Variants in COL11A1 observed in about 807,000 individuals in gnomAD.
The protein encoded by COL11A1 is collagen alpha-1(XI) chain.
A neutral mutation model predicts 265.2 loss-of-function variants in COL11A1; 74 were observed. The observed-to-expected ratio is 0.28, with a 90% CI of 0.23 to 0.34. The LOEUF (loss-of-function observed/expected upper bound fraction) is 0.34. COL11A1 is among the 10% of genes least tolerant of loss of function. The pLI, the probability that COL11A1 is intolerant of heterozygous loss-of-function variation, is 1.00. For missense variants in COL11A1, 2,165 were observed against 2,263.6 expected, an observed-to-expected ratio of 0.96 and a Z score of 0.88; for synonymous variants, 816 against 727.6, an observed-to-expected ratio of 1.12 and a Z score of -1.96.
chr1:102,885,651 A>G (rs1262776860), intron 63 of COL11A1, among the ~76,000 whole-genome samples: 3 of 152,172 alleles, frequency 2.0e-5, no homozygotes, highest in African/African-American at 7.2e-5. Context: ...AAAAAAAATC[A>G]TCTAAGATTT....
intron 54 of COL11A1, among the ~76,000 whole-genome samples, chr1:102,910,887 A>G (rs1237449529): frequency 6.6e-6 from 1 of 152,136 alleles, no homozygotes; most frequent in Non-Finnish European, 1.5e-5. Flanking sequence ...AAAGATAAAA[A>G]AAATGATTTC....
chr1:102,892,989 C>T (rs1651955783), intron 57 of COL11A1, among the ~76,000 whole-genome samples: 1 of 152,138 alleles, frequency 6.6e-6, no homozygotes, highest in Admixed American at 6.5e-5. Flanking sequence ...CCTGTTAAAT[C>T]TCAGACAAAA....
intron 37 of COL11A1, 45 bp from the exon 38 acceptor site, chr1:102,965,585 A>G: frequency 6.6e-7 from 1 of 1,522,372 alleles, no homozygotes. Context: ...TACAACACAA[A>G]GCATAAATCA....
chr1:102,955,696 G>A (rs1660306078), intron 41 of COL11A1, among the ~76,000 whole-genome samples: 1 of 151,936 alleles, frequency 6.6e-6, no homozygotes, highest in African/African-American at 2.4e-5. Context: ...CCTTGATTTT[G>A]TTTTATAAAA....
intron 4 of COL11A1, among the ~76,000 whole-genome samples, chr1:103,035,427 A>T (rs1171873579): frequency 6.6e-6 from 1 of 152,104 alleles, no homozygotes; most frequent in Non-Finnish European, 1.5e-5. Flanking sequence ...ATCCACTAAT[A>T]AAAATTGTGC....
chr1:102,979,996 T>C (rs1662889007), intron 31 of COL11A1, among the ~76,000 whole-genome samples: 1 of 152,156 alleles, frequency 6.6e-6, no homozygotes, highest in African/African-American at 2.4e-5. Flanking sequence ...TGAAAGTCTA[T>C]TTCAGGCACC....
intron 62 of COL11A1, 52 bp from the exon 63 acceptor site, chr1:102,887,108 C>A: frequency 6.2e-7 from 1 of 1,607,708 alleles, no homozygotes; most frequent in Non-Finnish European, 8.5e-7. Flanking sequence ...GAATATTCTG[C>A]AGATATTAAT....
At chr1:103,023,986 A>T (rs1667314391) in intron 7 of COL11A1, among the ~76,000 whole-genome samples, 1 of 152,202 alleles carries the variant, frequency 6.6e-6, no homozygotes, top group South Asian at 2.1e-4. Flanking sequence ...TGTCAATAAT[A>T]CTTCCTCAGA....
In COL11A1 at chr1:103,012,337, AT is replaced by A. The variant is rs1252748351; in HGVS notation, c.1629+75del. 1.7e-5 allele frequency: 18 copies of A among 1,056,096 alleles called. No homozygotes were observed. The African/African-American group carries it at 2.7e-4, about 16-fold the overall frequency. The allele number at this position is 1,056,096 out of a possible 1,614,324, so 65.4% of individuals were successfully genotyped here. ...TTGTCACCAACCATAGATATGCACAATCCCTGGAAGAAGTTGCACAGGGAAC... is the reference window on the plus strand; with the variant it reads ...TTGTCACCAACCATAGATATGCACAACCCTGGAAGAAGTTGCACAGGGAAC... On this transcript the variant is annotated intron_variant, in intron 14 of 66. Transcript: ENST00000370096.
chr1:102,996,121 A>G, intron 26 of COL11A1, 79 bp from the exon 27 acceptor site: 1 of 1,412,632 alleles, frequency 7.1e-7, no homozygotes, highest in Non-Finnish European at 1.0e-6. Flanking sequence ...TTTACCAACT[A>G]ATCTACAAGG....
intron 4 of COL11A1, among the ~76,000 whole-genome samples, chr1:103,057,289 A>T (rs1218429828): frequency 1.3e-5 from 2 of 152,178 alleles, no homozygotes; most frequent in African/African-American, 4.8e-5. Context: ...CATAAGAAGC[A>T]ACTCATCTGT....
At chr1:102,883,033 C>G (rs1341579235) in intron 64 of COL11A1, among the ~76,000 whole-genome samples, 166 bp downstream of exon 64, 1 of 152,164 alleles carries the variant, frequency 6.6e-6, no homozygotes, top group East Asian at 1.9e-4. Flanking sequence ...TAACTCTGTG[C>G]ATCAATTTGG....
chr1:102,977,563 T>A (rs575579817), intron 35 of COL11A1, among the ~76,000 whole-genome samples: 46 of 152,282 alleles, frequency 3.0e-4, no homozygotes, highest in African/African-American at 1.1e-3. Context: ...ACCAAATGCA[T>A]GAGAGAATCA....
intron 31 of COL11A1, chr1:102,979,701 G>A (rs1662854164): frequency 4.1e-6 from 2 of 487,710 alleles, no homozygotes; most frequent in African/African-American, 2.1e-5. Context: ...TTCATCTCTT[G>A]TTATAAAACA....
chr1:102,882,374 T>C (rs921206652), intron 64 of COL11A1, among the ~76,000 whole-genome samples: 14 of 152,314 alleles, frequency 9.2e-5, no homozygotes, highest in East Asian at 7.7e-4. Flanking sequence ...TTTCTGTTTT[T>C]CCACATTTCT....
intron 52 of COL11A1, 37 bp downstream of exon 52, chr1:102,914,315 C>T (rs1227566529): frequency 6.6e-7 from 1 of 1,518,362 alleles, no homozygotes; most frequent in Non-Finnish European, 9.1e-7. Context: ...GAAACATTCA[C>T]TCCAAAATAA....
intron 4 of COL11A1, among the ~76,000 whole-genome samples, chr1:103,068,329 C>A (rs1244870386): frequency 6.6e-6 from 1 of 151,280 alleles, no homozygotes; most frequent in East Asian, 1.9e-4. Flanking sequence ...ATTCAACATA[C>A]TAACAGGAAA....
intron 13 of COL11A1, among the ~76,000 whole-genome samples, chr1:103,013,407 C>A (rs565988103): frequency 6.6e-6 from 1 of 151,686 alleles, no homozygotes; most frequent in South Asian, 2.1e-4. Context: ...ATTCAATGAC[C>A]TCATAAAATA....
Position 103,022,743 on chromosome 1 carries a change from C to A in COL11A1, c.1244G>T (p.Ser415Ile). The change falls in exon 8 of 67, where the codon AGC becomes ATC. Residue 415 changes from serine (S) to isoleucine (I), a missense_variant and splice_region_variant. Coordinates refer to ENST00000370096, the MANE Select transcript of COL11A1 (RefSeq NM_001854.4). ...ACACAGTGCATAGTATCAACTTACG[C>A]TTGTTTCTGTAATATCAGTTTCTGC... is the stretch of plus-strand genomic sequence containing the variant. The part of the protein sequence containing the change: ...VPAETDITET[S>I]INGHGAYGEK... 4 of 1,613,522 alleles carry A rather than the reference C, an allele frequency of 2.5e-6. No individual in the cohort carries two copies. The highest frequency in any genetic ancestry group is 3.4e-6 in the Non-Finnish European group (4 of 1,179,934).
Sources: allele counts gnomAD v4.1 joint callset (sites outside exome capture counted in the v4.1 genomes callset), GRCh38; gene constraint gnomAD v4.1.1; transcripts MANE v1.5; gene names NCBI Gene and HGNC (gene_info 2026-07-23, HGNC 2026-07-21).